BCAS3: variants seen among roughly 807,000 people sequenced by gnomAD.
The protein encoded by BCAS3 is BCAS3 microtubule associated cell migration factor.
BCAS3 carries 53 observed loss-of-function variants against 116.1 expected under a neutral mutation model. The observed-to-expected ratio is 0.46, with a 90% CI of 0.37 to 0.57. BCAS3 has a LOEUF of 0.57. BCAS3 is among the 20% of genes least tolerant of loss of function. BCAS3 has a pLI of 0.00. For missense variants in BCAS3, 917 were observed against 1,165.4 expected, an observed-to-expected ratio of 0.79 and a Z score of 3.10; for synonymous variants, 391 against 408.2, an observed-to-expected ratio of 0.96 and a Z score of 0.51.
chr17:60,822,395 T>C (rs761408404), intron 7 of BCAS3, among the ~76,000 whole-genome samples: 1 of 152,224 alleles, frequency 6.6e-6, no homozygotes, highest in Non-Finnish European at 1.5e-5. Context: ...CATATCTCCC[T>C]GTTATTTGGC....
At chr17:60,690,396 C>G (rs1269527455) in intron 4 of BCAS3, among the ~76,000 whole-genome samples, 3 of 151,930 alleles carry the variant, frequency 2.0e-5, no homozygotes, top group Admixed American at 6.6e-5. Context: ...ATAGCGCGAC[C>G]TTGTCTCTAC....
chr17:61,127,137 C>T, intron 22 of BCAS3, among the ~76,000 whole-genome samples: 1 of 152,166 alleles, frequency 6.6e-6, no homozygotes, highest in East Asian at 1.9e-4. Context: ...TTGACATTTT[C>T]ATGGGTAATA....
chr17:61,293,564 T>C (rs1354147949), intron 22 of BCAS3, among the ~76,000 whole-genome samples: 2 of 152,182 alleles, frequency 1.3e-5, no homozygotes, highest in Admixed American at 1.3e-4. Context: ...GTCTTCATAT[T>C]CTGTCACTTG....
chr17:61,352,714 A>G lies in BCAS3; in HGVS notation c.2426-15613A>G. On this transcript the variant is annotated intron_variant, in intron 22 of 23. Coordinates refer to ENST00000407086, the MANE Select transcript of BCAS3 (RefSeq NM_017679.5). This position sits in a 1 kb window ranked among gnomAD's most constrained non-coding sequence, Gnocchi z 4.7. ...ACACTTACTAACGAGTGGGCTTTTG[A>G]CAAGGCCTAAGTGGAGCCTTCTCTG... Among the ~76,000 whole-genome samples the G allele has an allele frequency of 6.6e-6, 1 of 152,156 alleles. No individual in the cohort carries two copies. The highest frequency in any genetic ancestry group is 2.1e-4 in the South Asian group (1 of 4,824).
At chr17:61,260,809 G>C (rs1227424598) in intron 22 of BCAS3, among the ~76,000 whole-genome samples, 1 of 152,220 alleles carries the variant, frequency 6.6e-6, no homozygotes, top group Admixed American at 6.5e-5. Flanking sequence ...TATAGGAGCA[G>C]AAGAAAATGA....
At chr17:61,066,527 T>G (rs1387822847) in intron 19 of BCAS3, among the ~76,000 whole-genome samples, 3 of 152,154 alleles carry the variant, frequency 2.0e-5, no homozygotes, top group Non-Finnish European at 4.4e-5. Context: ...TAAACTTCAT[T>G]TTTACAAGGT....
At chr17:61,157,703 A>C (rs1479953350) in intron 22 of BCAS3, among the ~76,000 whole-genome samples, 1 of 150,176 alleles carries the variant, frequency 6.7e-6, no homozygotes, top group African/African-American at 2.5e-5. Context: ...GCTCGCCAGC[A>C]GGGCGCCAGC....
At chr17:61,050,025 G>A (rs531562696) in intron 19 of BCAS3, among the ~76,000 whole-genome samples, 2 of 151,894 alleles carry the variant, frequency 1.3e-5, no homozygotes, top group Non-Finnish European at 2.9e-5. Flanking sequence ...GAGCCACTGC[G>A]CCCAGCCAGC....
chr17:61,038,115 C>G, intron 18 of BCAS3, 61 bp downstream of exon 18: 1 of 1,469,170 alleles, frequency 6.8e-7, no homozygotes, highest in Non-Finnish European at 9.3e-7. Flanking sequence ...AGATTAAAAG[C>G]GTATAATTTG....
chr17:61,294,981 A>G (rs2052756812), intron 22 of BCAS3, among the ~76,000 whole-genome samples: 1 of 152,194 alleles, frequency 6.6e-6, no homozygotes, highest in African/African-American at 2.4e-5. Context: ...ACAGCCTCCA[A>G]GCCTCTGATG....
intron 22 of BCAS3, among the ~76,000 whole-genome samples, chr17:61,269,950 C>T (rs1429289408): frequency 2.6e-5 from 4 of 151,556 alleles, no homozygotes; most frequent in Non-Finnish European, 4.4e-5. Context: ...ATTACAGGCA[C>T]GTGCCACCAC....
intron 7 of BCAS3, among the ~76,000 whole-genome samples, chr17:60,819,179 AG>A (rs1250521976): frequency 1.3e-5 from 2 of 152,190 alleles, no homozygotes; most frequent in Non-Finnish European, 2.9e-5. Flanking sequence ...TCATGACCCC[AG>A]TTCACTTAAT....
At chr17:61,071,091 A>G (rs976175075) in intron 19 of BCAS3, among the ~76,000 whole-genome samples, 12 of 152,196 alleles carry the variant, frequency 7.9e-5, no homozygotes, top group Admixed American at 2.0e-4. Flanking sequence ...CTCTTCTGCT[A>G]TAATGGCCAT....
intron 19 of BCAS3, chr17:61,070,094 C>T (rs778952469): frequency 1.9e-6 from 3 of 1,574,216 alleles, no homozygotes; most frequent in African/African-American, 2.7e-5. Context: ...GACCACTATG[C>T]TATCATCAAG....
chr17:61,331,475 A>G (rs2056282570), intron 22 of BCAS3, among the ~76,000 whole-genome samples: 1 of 152,012 alleles, frequency 6.6e-6, no homozygotes, highest in South Asian at 2.1e-4. Context: ...CAAGCCCAGA[A>G]CTAGTTCAAA....
At position 60,736,878 on chromosome 17, in the gene BCAS3, TTCCC is replaced by T. The variant is rs145163889; in HGVS notation, c.322-10302_322-10299del. On this transcript the variant is annotated intron_variant, in intron 5 of 23. Transcript: ENST00000407086. ...TCTTTAGTGATCTCCCCTCTTTTCC[TTCCC>T]TCCCTCCCTCCCTCCCTTCCTCCCT... 1.2e-3 allele frequency among the ~76,000 whole-genome samples: 179 copies of T among 148,054 alleles called. 1 individual carries two copies. The highest frequency in any genetic ancestry group is 3.7e-3 in the African/African-American group (146 of 39,140).
chr17:61,110,870 T>C (rs1359155410), intron 22 of BCAS3, among the ~76,000 whole-genome samples: 3 of 152,184 alleles, frequency 2.0e-5, no homozygotes, highest in Non-Finnish European at 4.4e-5. Context: ...AGAGCAGTGG[T>C]TCTCCCAGCA....
At chr17:60,710,556 C>T (rs1383567325) in intron 5 of BCAS3, among the ~76,000 whole-genome samples, 1 of 151,522 alleles carries the variant, frequency 6.6e-6, no homozygotes, top group East Asian at 1.9e-4. Flanking sequence ...CTCAGCCTCT[C>T]AAGTAGCTGG....
intron 22 of BCAS3, among the ~76,000 whole-genome samples, chr17:61,321,070 G>GA (rs752403764): frequency 1.2e-3 from 176 of 152,248 alleles, no homozygotes; most frequent in Non-Finnish European, 2.1e-3. Flanking sequence ...AAATAATAAA[G>GA]CTGAGACTAG....
Sources: gnomAD v4.1 joint callset for allele counts (sites outside exome capture counted in the v4.1 genomes callset) on GRCh38, gnomAD v4.1.1 for gene constraint, Gnocchi (gnomAD v3.1) non-coding constraint, MANE v1.5 for transcripts, NCBI Gene and HGNC (gene_info 2026-07-23, HGNC 2026-07-21) for gene names.